The following ARHGAP18 variants were observed in gnomAD, a reference collection of about 807,000 sequenced individuals.
ARHGAP18 encodes the protein rho GTPase-activating protein 18.
ARHGAP18 carries 67 observed loss-of-function variants against 86.2 expected under a neutral mutation model. The observed-to-expected ratio is 0.78, with a 90% CI of 0.64 to 0.95. The LOEUF (loss-of-function observed/expected upper bound fraction) is 0.95. Ranked by LOEUF, ARHGAP18 falls within the 40% of genes least tolerant of loss-of-function variation. The pLI, the probability that ARHGAP18 is intolerant of heterozygous loss-of-function variation, is 0.00. For missense variants in ARHGAP18, 691 were observed against 780.4 expected (o/e 0.89, Z 1.37); for synonymous variants, 283 against 280.4 (o/e 1.01, Z -0.09).
chr6:129,622,406 A>T (rs901213360), intron 5 of ARHGAP18, among the ~76,000 whole-genome samples: 1 of 152,194 alleles, frequency 6.6e-6, no homozygotes, highest in Non-Finnish European at 1.5e-5. Flanking sequence ...CACATGTAAT[A>T]CAGCCGTTTA....
Position 129,634,926 on chromosome 6 carries a change from AC to A in ARHGAP18, c.553-822del, listed in dbSNP as rs146670591. Among the ~76,000 whole-genome samples, 310 of 152,270 alleles carry A rather than the reference AC, an allele frequency of 2.0e-3. 6 individuals carry two copies. The East Asian group carries it at 0.049, about 24-fold the overall frequency. On this transcript the variant is annotated intron_variant, in intron 3 of 14. Transcript: ENST00000368149. Reference sequence around the variant, plus strand: ...GCAAGAAATAAATGTGAGATAAGTAACTAAATTACCAAACCAGCAATAAGAC... The same window carrying A: ...GCAAGAAATAAATGTGAGATAAGTAATAAATTACCAAACCAGCAATAAGAC...
Position 129,607,935 on chromosome 6 carries a change from G to A in ARHGAP18, c.1240C>T (p.Leu414=). 1 of 1,613,842 alleles carries A rather than the reference G, an allele frequency of 6.2e-7. No homozygotes were observed. Among genetic ancestry groups the A allele is most frequent in the South Asian group, 1.1e-5 (1 of 91,026 alleles). The change falls in exon 9 of 15, where the codon CTG becomes TTG. Residue 414 remains leucine, a synonymous_variant. Transcript: ENST00000368149. Reference sequence around the variant, plus strand: ...GCTTTGAGATACTCCACACTGAGCAGTGGCTGGGGCAACTCCCGAATGAAG... The same window carrying A: ...GCTTTGAGATACTCCACACTGAGCAATGGCTGGGGCAACTCCCGAATGAAG... ...KLFIRELPQP[L]LSVEYLKAFQ... is the part of the protein sequence containing the mutation.
intron 1 of ARHGAP18, among the ~76,000 whole-genome samples, chr6:129,648,982 T>A (rs963573520): frequency 1.3e-5 from 2 of 152,178 alleles, no homozygotes; most frequent in Admixed American, 1.3e-4. Flanking sequence ...TTATTAGAAG[T>A]GGCTCTGACA....
At chr6:129,588,973 G>A (rs1788457424) in intron 12 of ARHGAP18, among the ~76,000 whole-genome samples, 1 of 152,218 alleles carries the variant, frequency 6.6e-6, no homozygotes, top group East Asian at 1.9e-4. Flanking sequence ...AGCTGAAGCA[G>A]CTGGGATTCA....
At chr6:129,606,063 CTG>C (rs1242896506) in intron 9 of ARHGAP18, 104 bp from the exon 10 acceptor site, 7 of 1,069,180 alleles carry the variant, frequency 6.5e-6, no homozygotes, top group Middle Eastern at 4.3e-4. Flanking sequence ...ATAAACATGA[CTG>C]TAAAATGTAA....
intron 14 of ARHGAP18, among the ~76,000 whole-genome samples, chr6:129,579,781 G>T (rs1004746462): frequency 5.3e-5 from 8 of 152,194 alleles, no homozygotes; most frequent in Non-Finnish European, 1.2e-4. Flanking sequence ...ATATTACAAA[G>T]AAGAGAGTTT....
chr6:129,637,045 G>A (rs1773347555), intron 3 of ARHGAP18, among the ~76,000 whole-genome samples: 1 of 152,064 alleles, frequency 6.6e-6, no homozygotes, highest in African/African-American at 2.4e-5. Context: ...CACAGTTCTT[G>A]TACTGTTTTG....
chr6:129,704,747 A>G (rs545900615), intron 1 of ARHGAP18, among the ~76,000 whole-genome samples: 4 of 152,286 alleles, frequency 2.6e-5, no homozygotes, highest in African/African-American at 2.4e-5. Flanking sequence ...TATAATCAAT[A>G]TAACAGCCAG....
intron 12 of ARHGAP18, among the ~76,000 whole-genome samples, chr6:129,591,413 A>G (rs961171833): frequency 2.6e-5 from 4 of 152,154 alleles, no homozygotes; most frequent in African/African-American, 9.7e-5. Flanking sequence ...GAAGGGCAGT[A>G]TTTGACTAAC....
intron 2 of ARHGAP18, among the ~76,000 whole-genome samples, chr6:129,640,461 G>A (rs1409987121): frequency 6.6e-6 from 1 of 152,040 alleles, no homozygotes; most frequent in African/African-American, 2.4e-5. Flanking sequence ...AGAAAGAAAG[G>A]GTGAGAGATA....
At chr6:129,702,395 T>G (rs1304124943) in intron 1 of ARHGAP18, among the ~76,000 whole-genome samples, 2 of 152,200 alleles carry the variant, frequency 1.3e-5, no homozygotes, top group Admixed American at 6.5e-5. Context: ...AGAGTTCTTA[T>G]TCTCTATCCC....
intron 1 of ARHGAP18, among the ~76,000 whole-genome samples, chr6:129,670,688 CTT>C (rs11350669): frequency 0.16 from 22,205 of 137,832 alleles, 1,905 homozygotes; most frequent in African/African-American, 0.22. Context: ...AGTCGTAACT[CTT>C]TTTTTTTTTT....
intron 12 of ARHGAP18, among the ~76,000 whole-genome samples, chr6:129,593,592 C>G (rs1415451772): frequency 3.3e-5 from 5 of 152,162 alleles, no homozygotes; most frequent in African/African-American, 1.2e-4. Context: ...GGTAAAATGA[C>G]TTGTCACACT....
chr6:129,594,759 T>C (rs1384208169), intron 12 of ARHGAP18, among the ~76,000 whole-genome samples: 2 of 152,190 alleles, frequency 1.3e-5, no homozygotes, highest in Non-Finnish European at 2.9e-5. Flanking sequence ...AGTATCCACA[T>C]GTTGCAGGGT....
At chr6:129,597,712 G>A (rs1333843038) in intron 12 of ARHGAP18, among the ~76,000 whole-genome samples, 2 of 149,746 alleles carry the variant, frequency 1.3e-5, no homozygotes, top group African/African-American at 2.5e-5. Context: ...ATGAGTAACT[G>A]AATTTCACAT....
intron 1 of ARHGAP18, among the ~76,000 whole-genome samples, chr6:129,700,613 T>C (rs1406914769): frequency 6.6e-6 from 1 of 152,202 alleles, no homozygotes; most frequent in Non-Finnish European, 1.5e-5. Flanking sequence ...CTATACTATT[T>C]CCAAATTAAT....
At chr6:129,667,054 T>G (rs78917176) in intron 1 of ARHGAP18, among the ~76,000 whole-genome samples, 75,901 of 151,676 alleles carry the variant, frequency 0.5, 19,442 homozygotes, top group African/African-American at 0.61. Context: ...TCAATATTGT[T>G]TCACAATATT....
chr6:129,674,084 A>G (rs907236496), intron 1 of ARHGAP18, among the ~76,000 whole-genome samples: 2 of 152,242 alleles, frequency 1.3e-5, no homozygotes, highest in Non-Finnish European at 2.9e-5. Flanking sequence ...TATTTTATAA[A>G]CTGTCTTAAA....
chr6:129,598,647 TTTC>T (rs886153711), intron 12 of ARHGAP18, among the ~76,000 whole-genome samples: 1 of 152,202 alleles, frequency 6.6e-6, no homozygotes, highest in African/African-American at 2.4e-5. Context: ...TATTTAGGTA[TTTC>T]TTTTTTGAAA....
Sources: allele counts gnomAD v4.1 joint callset (sites outside exome capture counted in the v4.1 genomes callset), GRCh38; gene constraint gnomAD v4.1.1; transcripts MANE v1.5; gene names NCBI Gene and HGNC (gene_info 2026-07-23, HGNC 2026-07-21).